TENM3: variants seen among roughly 807,000 people sequenced by gnomAD.
TENM3 encodes teneurin-3.
A neutral mutation model predicts 255.1 loss-of-function variants in TENM3; 63 were observed. That is an observed-to-expected ratio of 0.25 (90% confidence interval 0.20 to 0.30). The LOEUF is 0.30. Among genes scored for constraint, TENM3 ranks in the 10% least tolerant of loss-of-function variants. TENM3 has a pLI of 1.00. For synonymous variants in TENM3, 1,306 were observed against 1,322.3 expected, an observed-to-expected ratio of 0.99 and a Z score of 0.27; for missense variants, 2,929 against 3,461.1, an observed-to-expected ratio of 0.85 and a Z score of 3.86.
the TENM3 span, among the ~76,000 whole-genome samples, chr4:182,129,485 C>A: frequency 8.5e-5 from 13 of 152,112 alleles, no homozygotes; most frequent in East Asian, 2.5e-3. Context: ...AGCATAGTAA[C>A]TGAAATTATT....
chr4:182,592,742 A>G, intron 3 of TENM3, among the ~76,000 whole-genome samples: 1 of 152,200 alleles, frequency 6.6e-6, no homozygotes, highest in East Asian at 1.9e-4. Flanking sequence ...AGTAAAATAT[A>G]CAAAAACAAA....
intron 3 of TENM3, among the ~76,000 whole-genome samples, chr4:182,563,366 G>A (rs1228848690): frequency 4.6e-5 from 7 of 152,094 alleles, no homozygotes; most frequent in African/African-American, 1.4e-4. Flanking sequence ...CCTGGAAGGT[G>A]GAGGTTGCAG....
chr4:182,283,036 A>G (rs1159650723), intron 1 of TENM3, among the ~76,000 whole-genome samples: 1 of 152,172 alleles, frequency 6.6e-6, no homozygotes, highest in East Asian at 1.9e-4. Flanking sequence ...ACAATTTCTA[A>G]CAGTGAAAAT....
chr4:182,232,510 G>A (rs2150022773), intron 1 of TENM3, among the ~76,000 whole-genome samples: 1 of 152,282 alleles, frequency 6.6e-6, no homozygotes, highest in East Asian at 1.9e-4. Flanking sequence ...CGGATTACAA[G>A]GTCAAGAGAT....
the TENM3 span, among the ~76,000 whole-genome samples, chr4:182,029,397 G>C: frequency 6.6e-6 from 1 of 152,110 alleles, no homozygotes; most frequent in Admixed American, 6.5e-5. Context: ...TTGATTTTCA[G>C]TTTGGAACAT....
chr4:182,585,158 T>G (rs574270273), intron 3 of TENM3, among the ~76,000 whole-genome samples: 1 of 152,346 alleles, frequency 6.6e-6, no homozygotes, highest in African/African-American at 2.4e-5. Flanking sequence ...TAAAAATACT[T>G]TAATATACAT....
chr4:182,236,363 G>T (rs1756902855), intron 1 of TENM3, among the ~76,000 whole-genome samples: 1 of 152,182 alleles, frequency 6.6e-6, no homozygotes, highest in Non-Finnish European at 1.5e-5. Flanking sequence ...TCCTGCATCA[G>T]TGTGGTTGAT....
intron 2 of TENM3, among the ~76,000 whole-genome samples, chr4:182,342,770 TC>T (rs1276064401): frequency 6.6e-6 from 1 of 152,174 alleles, no homozygotes; most frequent in Admixed American, 6.5e-5. Flanking sequence ...TGGGGTGCTT[TC>T]GTCATCCTAT....
chr4:182,324,000 T>G lies in TENM3; in HGVS notation c.-21T>G, dbSNP rs375312344. 8 of 1,604,796 alleles carry G rather than the reference T, an allele frequency of 5.0e-6. No individual in the cohort carries two copies. In the African/African-American group the frequency reaches 9.4e-5, roughly 19 times the overall value. ...TAAGTTGTCACCAGCAGGACTGATG[T>G]GCACACAGAAGGAATGAAGTATGGA... On this transcript the variant is annotated 5_prime_UTR_variant, in exon 2 of 28. Coordinates refer to ENST00000511685, the MANE Select transcript of TENM3 (RefSeq NM_001080477.4).
chr4:181,565,012 C>A, the TENM3 span, among the ~76,000 whole-genome samples: 1 of 152,158 alleles, frequency 6.6e-6, no homozygotes, highest in East Asian at 1.9e-4. Flanking sequence ...TCCAAATCCC[C>A]AGATATTACC....
At chr4:182,466,919 C>T (rs1732658706) in intron 3 of TENM3, among the ~76,000 whole-genome samples, 1 of 151,224 alleles carries the variant, frequency 6.6e-6, no homozygotes, top group African/African-American at 2.4e-5. Flanking sequence ...GCATTCTTGC[C>T]TTCACACTCC....
At chr4:181,943,656 G>C in the TENM3 span, among the ~76,000 whole-genome samples, 24 of 152,172 alleles carry the variant, frequency 1.6e-4, no homozygotes, top group African/African-American at 4.3e-4. Context: ...CTCTTTGCCC[G>C]CCAGAATCTG....
At position 182,561,904 on chromosome 4, in the gene TENM3, AC is replaced by A. The variant is rs1448984647; in HGVS notation, c.512-39019del. ...TAAAAATAATAGCAAAACTGCAATT[AC>A]TTTTGCACCAACCTATATAAGACAT... On this transcript the variant is annotated intron_variant, in intron 3 of 27. Transcript: ENST00000511685. Among the ~76,000 whole-genome samples, 4 of 152,032 alleles carry A rather than the reference AC, an allele frequency of 2.6e-5. No individual in the cohort carries two copies. The East Asian group carries it at 7.7e-4, about 29-fold the overall frequency.
chr4:182,671,952 G>C (rs1249917721), intron 6 of TENM3, among the ~76,000 whole-genome samples: 1 of 152,148 alleles, frequency 6.6e-6, no homozygotes, highest in Non-Finnish European at 1.5e-5. Context: ...CTGCGCTCAA[G>C]TGATCCTCAC....
At chr4:181,968,992 C>CTCTCTCTA in the TENM3 span, among the ~76,000 whole-genome samples, 118 of 116,080 alleles carry the variant, frequency 1.0e-3, no homozygotes, top group African/African-American at 3.3e-3. Flanking sequence ...CTCTCTCTCT[C>CTCTCTCTA]TATATACATA....
the TENM3 span, chr4:182,085,267 CT>C: frequency 2.0e-5 from 3 of 152,138 alleles, no homozygotes; most frequent in Non-Finnish European, 4.4e-5. Flanking sequence ...AAAATGCCTG[CT>C]TCTCAGCAGG....
At chr4:182,752,133 T>TATAA in intron 20 of TENM3, 101 bp downstream of exon 20, 1 of 744,226 alleles carries the variant, frequency 1.3e-6, no homozygotes, top group Non-Finnish European at 2.1e-6. Flanking sequence ...TAATGCTGAG[T>TATAA]CTAACTTTTT....
At chr4:181,825,612 CT>C in the TENM3 span, among the ~76,000 whole-genome samples, 1 of 152,006 alleles carries the variant, frequency 6.6e-6, no homozygotes, top group African/African-American at 2.4e-5. Flanking sequence ...ATTTGGTAAA[CT>C]TCAGAAAGGA....
chr4:182,414,812 C>T (rs1770248593), intron 3 of TENM3, among the ~76,000 whole-genome samples: 1 of 152,144 alleles, frequency 6.6e-6, no homozygotes, highest in Non-Finnish European at 1.5e-5. Flanking sequence ...CAGACACATG[C>T]ACGTGCACAC....
Sources: gnomAD v4.1 joint callset for allele counts (sites outside exome capture counted in the v4.1 genomes callset) on GRCh38, gnomAD v4.1.1 for gene constraint, MANE v1.5 for transcripts, NCBI Gene and HGNC (gene_info 2026-07-23, HGNC 2026-07-21) for gene names.